The following KCNJ6 variants were observed in gnomAD, a reference collection of about 807,000 sequenced individuals.
The protein encoded by KCNJ6 is potassium inwardly rectifying channel subfamily J member 6, also known as G protein-activated inward rectifier potassium channel 2.
In KCNJ6, 9 loss-of-function variants were observed where a neutral mutation model predicts 34.2. That is an observed-to-expected ratio of 0.26 (90% confidence interval 0.16 to 0.46). The LOEUF (loss-of-function observed/expected upper bound fraction) is 0.46. Ranked by LOEUF, KCNJ6 falls within the 20% of genes least tolerant of loss-of-function variation. KCNJ6 has a pLI of 1.00. For synonymous variants in KCNJ6, 196 were observed against 207.1 expected (o/e 0.95, Z 0.46); for missense variants, 236 against 531.3 (o/e 0.44, Z 5.46).
chr21:37,879,190 C>G (rs2055694073), intron 1 of KCNJ6, among the ~76,000 whole-genome samples: 2 of 152,158 alleles, frequency 1.3e-5, no homozygotes, highest in South Asian at 2.1e-4. Context: ...TCCCTTCCCC[C>G]AAATTGCTCA....
intron 3 of KCNJ6, among the ~76,000 whole-genome samples, chr21:37,699,572 G>A (rs1265751179): frequency 6.6e-6 from 1 of 152,190 alleles, no homozygotes; most frequent in Admixed American, 6.5e-5. Flanking sequence ...ATCAAAGGGA[G>A]TCCCTGAGCA....
At chr21:37,851,968 A>G (rs2055540060) in intron 1 of KCNJ6, among the ~76,000 whole-genome samples, 1 of 152,122 alleles carries the variant, frequency 6.6e-6, no homozygotes, top group Non-Finnish European at 1.5e-5. Context: ...GGAAATGTCA[A>G]TAGATGCAGA....
At chr21:37,746,643 G>A (rs915596838) in intron 2 of KCNJ6, among the ~76,000 whole-genome samples, 1 of 152,154 alleles carries the variant, frequency 6.6e-6, no homozygotes, top group Non-Finnish European at 1.5e-5. Context: ...ATTCCCCTCT[G>A]ATTAAACAGT....
At chr21:37,885,717 C>T (rs1006415435) in intron 1 of KCNJ6, among the ~76,000 whole-genome samples, 7 of 152,280 alleles carry the variant, frequency 4.6e-5, no homozygotes, top group South Asian at 2.1e-4. Flanking sequence ...CCAACAGCCA[C>T]GTGAGTTTGC....
At chr21:37,713,365 C>A (rs931256410) in intron 3 of KCNJ6, among the ~76,000 whole-genome samples, 3 of 152,214 alleles carry the variant, frequency 2.0e-5, no homozygotes, top group African/African-American at 7.2e-5. Flanking sequence ...AATTAGGGTT[C>A]TGGTTTATAC....
intron 3 of KCNJ6, among the ~76,000 whole-genome samples, chr21:37,706,567 C>T (rs144974738): frequency 0.01 from 1,555 of 149,988 alleles, 24 homozygotes; most frequent in East Asian, 0.028. Context: ...TAAACAGCTG[C>T]GGCTGCCATG....
At chr21:37,745,107 T>C (rs2054961344) in intron 2 of KCNJ6, among the ~76,000 whole-genome samples, 1 of 50,342 alleles carries the variant, frequency 2.0e-5, no homozygotes, top group Non-Finnish European at 3.9e-5. Flanking sequence ...TTTTTTTTTT[T>C]TTTGACAGAC....
At chr21:37,835,248 G>T (rs995523645) in intron 2 of KCNJ6, among the ~76,000 whole-genome samples, 1 of 152,212 alleles carries the variant, frequency 6.6e-6, no homozygotes, top group Non-Finnish European at 1.5e-5. Context: ...ACAGAAGTGT[G>T]ATTTCAGCTT....
At chr21:37,820,647 C>T (rs1376940048) in intron 2 of KCNJ6, among the ~76,000 whole-genome samples, 1 of 152,228 alleles carries the variant, frequency 6.6e-6, no homozygotes, top group Non-Finnish European at 1.5e-5. Flanking sequence ...ACTAGAATGA[C>T]TAACAGAACT....
chr21:37,751,429 G>A (rs1463338594), intron 2 of KCNJ6, among the ~76,000 whole-genome samples: 2 of 152,210 alleles, frequency 1.3e-5, no homozygotes, highest in East Asian at 1.9e-4. Context: ...CAAACGGGAG[G>A]TGGGACGCTT....
intron 3 of KCNJ6, among the ~76,000 whole-genome samples, chr21:37,654,449 A>ATG (rs2054448502): frequency 6.6e-6 from 1 of 151,374 alleles, no homozygotes; most frequent in Non-Finnish European, 1.5e-5. Flanking sequence ...TTTCCTAATA[A>ATG]CTCTTCCCAT....
chr21:37,667,636 C>G (rs1255970434), intron 3 of KCNJ6, among the ~76,000 whole-genome samples: 1 of 77,762 alleles, frequency 1.3e-5, no homozygotes, highest in East Asian at 2.7e-4. Flanking sequence ...ACCGGGGTAG[C>G]AGGTCCAGGG....
chr21:37,608,602 G>T lies in KCNJ6; in HGVS notation c.*16557C>A, dbSNP rs774333075. On this transcript the variant is annotated 3_prime_UTR_variant, in exon 4 of 4. Coordinates refer to ENST00000609713, the MANE Select transcript of KCNJ6 (RefSeq NM_002240.5). ...ACATTCCAGCAAATTTGTTGTGCCT[G>T]TCCCTCTTCGTTTAGGTATTTCTAA... is the stretch of plus-strand genomic sequence containing the variant. 4 of 152,246 alleles carry T rather than the reference G, an allele frequency of 2.6e-5. No homozygotes were observed. The highest frequency in any genetic ancestry group is 4.8e-5 in the African/African-American group (2 of 41,470). The allele number at this position is 152,246 out of a possible 1,614,324, so 9.4% of individuals were successfully genotyped here.
At chr21:37,830,684 C>A (rs2055421556) in intron 2 of KCNJ6, among the ~76,000 whole-genome samples, 1 of 152,122 alleles carries the variant, frequency 6.6e-6, no homozygotes. Flanking sequence ...AAGGGACATT[C>A]ATCAGAAGGT....
At chr21:37,815,004 A>T (rs1307533833) in intron 2 of KCNJ6, among the ~76,000 whole-genome samples, 1 of 152,024 alleles carries the variant, frequency 6.6e-6, no homozygotes, top group Non-Finnish European at 1.5e-5. Flanking sequence ...TAAGTGAAAT[A>T]AGCCAGGCAC....
intron 1 of KCNJ6, among the ~76,000 whole-genome samples, chr21:37,861,985 C>T (rs1224061203): frequency 6.6e-6 from 1 of 152,162 alleles, no homozygotes; most frequent in Admixed American, 6.5e-5. Context: ...GTGGGTGGCT[C>T]AAGCCCCGCT....
chr21:37,680,175 TA>T, intron 3 of KCNJ6, among the ~76,000 whole-genome samples: 1 of 140 alleles, frequency 7.1e-3, no homozygotes, highest in African/African-American at 0.029. Flanking sequence ...TGTTTTCAAC[TA>T]TATTATTTAC....
chr21:37,834,207 T>C (rs1194778272), intron 2 of KCNJ6, among the ~76,000 whole-genome samples: 1 of 152,170 alleles, frequency 6.6e-6, no homozygotes, highest in Non-Finnish European at 1.5e-5. Flanking sequence ...ACTGCCCCAT[T>C]ACCCACAGGA....
At chr21:37,893,713 G>T (rs1416835230) in intron 1 of KCNJ6, among the ~76,000 whole-genome samples, 2 of 10,002 alleles carry the variant, frequency 2.0e-4, no homozygotes, top group African/African-American at 4.4e-4. Flanking sequence ...ACTACCTTGG[G>T]TTCTGGATTA....
Sources: gnomAD v4.1 joint callset for allele counts (sites outside exome capture counted in the v4.1 genomes callset) on GRCh38, gnomAD v4.1.1 for gene constraint, MANE v1.5 for transcripts, NCBI Gene and HGNC (gene_info 2026-07-23, HGNC 2026-07-21) for gene names.